The following PKNOX1 variants were observed in gnomAD, a reference collection of about 807,000 sequenced individuals.
The protein encoded by PKNOX1 is PBX/knotted 1 homeobox 1, also known as homeobox protein PKNOX1.
PKNOX1 carries 15 observed loss-of-function variants against 51.9 expected under a neutral mutation model. The ratio of observed to expected loss-of-function variants is 0.29; its 90% CI spans 0.19 to 0.45. PKNOX1 has a LOEUF of 0.45. Among genes scored for constraint, PKNOX1 ranks in the 20% least tolerant of loss-of-function variants. The pLI, the probability that PKNOX1 is intolerant of heterozygous loss-of-function variation, is 1.00. For missense variants in PKNOX1, 462 were observed against 547.5 expected (o/e 0.84, Z 1.56); for synonymous variants, 219 against 211.1 (o/e 1.04, Z -0.32).
chr21:42,984,631 G>A (rs776212673), intron 1 of PKNOX1, among the ~76,000 whole-genome samples: 2 of 152,180 alleles, frequency 1.3e-5, no homozygotes, highest in Non-Finnish European at 2.9e-5. Context: ...TAGGTGATCT[G>A]TCTGCCTTGG....
At chr21:43,007,707 G>A (rs1240707250) in intron 3 of PKNOX1, 89 bp downstream of exon 3, 3 of 1,459,648 alleles carry the variant, frequency 2.1e-6, no homozygotes, top group Non-Finnish European at 2.9e-6. Context: ...CTAGTAGCGA[G>A]GCAGAGTTGT....
chr21:42,984,462 C>T (rs972195504), intron 1 of PKNOX1, among the ~76,000 whole-genome samples: 4 of 151,720 alleles, frequency 2.6e-5, no homozygotes, highest in East Asian at 3.9e-4. Context: ...GATCTTGGCT[C>T]ACCACAACCT....
intron 8 of PKNOX1, chr21:43,024,374 T>C (rs1028085844): frequency 1.3e-5 from 2 of 152,410 alleles, no homozygotes; most frequent in Non-Finnish European, 2.9e-5. Flanking sequence ...TCTCAGCAGG[T>C]GCTTCTGAGG....
At position 43,030,040 on chromosome 21, in the gene PKNOX1, G is replaced by T; in HGVS notation, c.1250G>T (p.Gly417Val). The change falls in exon 11 of 11, where the codon GGT becomes GTT. Residue 417 changes from glycine to valine, a missense_variant. By Grantham distance (109) the Gly-to-Val change is moderately radical. Transcript: ENST00000291547. ...ESVDSTEEDA[G>V]ALAPAHISGL... ...GTGGACAGCACAGAGGAGGATGCGGGTGCCCTGGCCCCTGCCCACATCAGC... is the reference window on the plus strand; with the variant it reads ...GTGGACAGCACAGAGGAGGATGCGGTTGCCCTGGCCCCTGCCCACATCAGC... 6.2e-7 allele frequency: 1 copy of T among 1,613,810 alleles called. No homozygotes were observed. Among genetic ancestry groups the T allele is most frequent in the Non-Finnish European group, 8.5e-7 (1 of 1,179,844 alleles).
Position 43,030,448 on chromosome 21 carries a change from G to C in PKNOX1, c.*347G>C. 5.9e-6 allele frequency: 1 copy of C among 168,580 alleles called. No individual in the cohort carries two copies. Among genetic ancestry groups the C allele is most frequent in the African/African-American group, 2.4e-5 (1 of 42,090 alleles). The allele number at this position is 168,580 out of a possible 1,614,324, so 10.4% of individuals were successfully genotyped here. On this transcript the variant is annotated 3_prime_UTR_variant, in exon 11 of 11. Transcript: ENST00000291547. ...TAAACCGTGATGCGGTTGTCACTTA[G>C]TTCTGTGGTTCCAGCAGATCTCAGT... is the stretch of plus-strand genomic sequence containing the variant.
rs771561577 is a variant in PKNOX1 at position 43,013,190 on chromosome 21, T to A, written c.474T>A (p.Thr158=). The A allele has an allele frequency of 1.2e-6, 2 of 1,613,866 alleles. No homozygotes were observed. The highest frequency in any genetic ancestry group is 1.7e-6 in the Non-Finnish European group (2 of 1,179,812). Residue 158 remains threonine (T), a synonymous_variant, in exon 5 of 11, where the codon ACT becomes ACA. Transcript: ENST00000291547. ...TGAAAACAAAAATGAACAGTGAAAC[T>A]CTGTTGAGTGGAGAGCCTGGAAGCC... ...ACLKTKMNSE[T]LLSGEPGSPY...
At chr21:42,983,713 AT>A (rs1477073646) in intron 1 of PKNOX1, among the ~76,000 whole-genome samples, 1 of 151,998 alleles carries the variant, frequency 6.6e-6, no homozygotes, top group Admixed American at 6.6e-5. Flanking sequence ...CCTCCATCCG[AT>A]TTTTCGCAGC....
At chr21:43,008,262 AGAG>A (rs1367864542) in intron 3 of PKNOX1, among the ~76,000 whole-genome samples, 8 of 152,232 alleles carry the variant, frequency 5.3e-5, no homozygotes, top group East Asian at 1.9e-4. Flanking sequence ...TTCAGGAAGT[AGAG>A]GAGGAGTGAA....
At chr21:43,016,758 C>T (rs1979507121) in intron 5 of PKNOX1, 150 bp from the exon 6 acceptor site, 1 of 559,240 alleles carries the variant, frequency 1.8e-6, no homozygotes, top group African/African-American at 1.9e-5. Flanking sequence ...GTGCTGCGTG[C>T]ATTCTGAAGC....
At chr21:43,016,879 T>A in intron 5 of PKNOX1, 29 bp from the exon 6 acceptor site, 1 of 1,434,734 alleles carries the variant, frequency 7.0e-7, no homozygotes, top group Non-Finnish European at 9.7e-7. Context: ...TTCTAGTAAT[T>A]CCTTCAACAT....
At position 42,975,437 on chromosome 21, in the gene PKNOX1, C is replaced by T. The variant is rs567321822; in HGVS notation, c.-57+773C>T. Reference sequence around the variant, plus strand: ...CGGGAATTGGTGGGAAGAGCCGCTTCTGTCACACGGGTCGTGGTAATGGAT... The same window carrying T: ...CGGGAATTGGTGGGAAGAGCCGCTTTTGTCACACGGGTCGTGGTAATGGAT... On this transcript the variant is annotated intron_variant, in intron 1 of 10. Coordinates refer to ENST00000291547, the MANE Select transcript of PKNOX1 (RefSeq NM_004571.5). Among the ~76,000 whole-genome samples, 5 of 152,306 alleles carry T rather than the reference C, an allele frequency of 3.3e-5. No individual in the cohort carries two copies. In the South Asian group the frequency reaches 1.0e-3, roughly 32 times the overall value.
chr21:43,016,319 C>T (rs962377364), intron 5 of PKNOX1, among the ~76,000 whole-genome samples: 4 of 152,176 alleles, frequency 2.6e-5, no homozygotes, highest in Admixed American at 6.5e-5. Flanking sequence ...GCATGGGGCT[C>T]GCTGTAGGCC....
At position 43,021,485 on chromosome 21, in the gene PKNOX1, C is replaced by G; in HGVS notation, c.849+54C>G. ...TGCAGCCCTCTGCGACGCTTGCTCT[C>G]TGGCTTATGTGTCATGGAAAAGGGT... On this transcript the variant is annotated intron_variant, in intron 8 of 10. Transcript: ENST00000291547. The surrounding 1 kb of genome is among the most constrained non-coding windows in gnomAD (Gnocchi z 4.6). 1 of 1,528,946 alleles carries G rather than the reference C, an allele frequency of 6.5e-7. No individual in the cohort carries two copies. Among genetic ancestry groups the G allele is most frequent in the Non-Finnish European group, 8.8e-7 (1 of 1,134,264 alleles). The allele number at this position is 1,528,946 out of a possible 1,614,324, so 94.7% of individuals were successfully genotyped here. A position where few individuals can be genotyped will look rare whatever the true frequency, so the allele number is the denominator to read the frequency against.
Position 42,985,021 on chromosome 21 carries a change from T to C in PKNOX1, c.-57+10357T>C, listed in dbSNP as rs1242216207. Among the ~76,000 whole-genome samples the C allele has an allele frequency of 3.8e-5, 5 of 131,678 alleles. No individual in the cohort carries two copies. In the South Asian group the frequency reaches 7.9e-4, roughly 21 times the overall value. 86.4% of individuals were successfully genotyped at this position (131,678 alleles called of 152,430 possible). On this transcript the variant is annotated intron_variant, in intron 1 of 10. Transcript: ENST00000291547. ...TTTTTTGAGATGGAGTCTCACTCGC[T>C]CTGTTGCCCAGGCTGGACTGCAATG...
chr21:42,991,256 G>T (rs1233094172), intron 1 of PKNOX1, among the ~76,000 whole-genome samples: 1 of 151,938 alleles, frequency 6.6e-6, no homozygotes, highest in Non-Finnish European at 1.5e-5. Context: ...TGAGGCCAAG[G>T]TGGGAGGATC....
chr21:42,975,460 G>A (rs1268518302), intron 1 of PKNOX1, among the ~76,000 whole-genome samples: 1 of 152,226 alleles, frequency 6.6e-6, no homozygotes, highest in Non-Finnish European at 1.5e-5. Context: ...CGTGGTAATG[G>A]ATGACAGGAA....
chr21:43,021,860 C>T lies in PKNOX1; in HGVS notation c.849+429C>T, dbSNP rs1460796459. ...TGGGCCACCGGGTGGGTGCCTTTAG[C>T]TGGAAGCGAGTTTGTCCCACAGGGC... On this transcript the variant is annotated intron_variant, in intron 8 of 10. Coordinates refer to ENST00000291547, the MANE Select transcript of PKNOX1 (RefSeq NM_004571.5). The surrounding 1 kb of genome is among the most constrained non-coding windows in gnomAD (Gnocchi z 4.6). Among the ~76,000 whole-genome samples the T allele has an allele frequency of 6.6e-6, 1 of 152,224 alleles. No homozygotes were observed. Among genetic ancestry groups the T allele is most frequent in the African/African-American group, 2.4e-5 (1 of 41,466 alleles).
chr21:43,001,453 C>T (rs1409592831), intron 1 of PKNOX1, among the ~76,000 whole-genome samples: 1 of 152,160 alleles, frequency 6.6e-6, no homozygotes, highest in Non-Finnish European at 1.5e-5. Flanking sequence ...ACTCAGCTGT[C>T]CTTGCCGTGG....
chr21:42,983,712 G>A (rs1054168134), intron 1 of PKNOX1, among the ~76,000 whole-genome samples: 1 of 152,058 alleles, frequency 6.6e-6, no homozygotes, highest in Admixed American at 6.6e-5. Context: ...ACCTCCATCC[G>A]ATTTTTCGCA....
Sources: gnomAD v4.1 joint callset for allele counts (sites outside exome capture counted in the v4.1 genomes callset) on GRCh38, gnomAD v4.1.1 for gene constraint, Gnocchi (gnomAD v3.1) non-coding constraint, MANE v1.5 for transcripts, NCBI Gene and HGNC (gene_info 2026-07-23, HGNC 2026-07-21) for gene names.